Variants in DENND6A observed in about 807,000 individuals in gnomAD.
DENND6A encodes protein DENND6A.
In DENND6A, 43 loss-of-function variants were observed where a neutral mutation model predicts 95.5. That is an observed-to-expected ratio of 0.45 (90% CI 0.35 to 0.58). DENND6A has a LOEUF of 0.58. Among genes scored for constraint, DENND6A ranks in the 20% least tolerant of loss-of-function variants. DENND6A has a pLI of 0.00. For missense variants in DENND6A, 574 were observed against 736.0 expected, an observed-to-expected ratio of 0.78 and a Z score of 2.55; for synonymous variants, 257 against 260.4, an observed-to-expected ratio of 0.99 and a Z score of 0.13.
chr3:57,658,638 A>G (rs1401826238), intron 8 of DENND6A, among the ~76,000 whole-genome samples: 2 of 152,194 alleles, frequency 1.3e-5, no homozygotes, highest in Non-Finnish European at 2.9e-5. Context: ...TCCTACTGCT[A>G]TCTGTTTTTT....
At chr3:57,668,719 T>A (rs2071565925) in intron 3 of DENND6A, among the ~76,000 whole-genome samples, 1 of 152,202 alleles carries the variant, frequency 6.6e-6, no homozygotes. Context: ...CATTTTTTCA[T>A]CCAGTCTAAC....
In DENND6A at chr3:57,648,798, A is replaced by G. The variant is rs533287643; in HGVS notation, c.819-2360T>C. Among the ~76,000 whole-genome samples the G allele has an allele frequency of 2.6e-4, 39 of 152,356 alleles. 1 individual carries two copies. In the South Asian group the frequency reaches 8.1e-3, roughly 32 times the overall value. On this transcript the variant is annotated intron_variant, in intron 9 of 19. Transcript: ENST00000311128. ...ACCCTATTTAACAAATGGTGCTGAG[A>G]TAATTGGCAAGCCACATGTAGAAGA...
intron 9 of DENND6A, among the ~76,000 whole-genome samples, chr3:57,653,605 A>C (rs2071256331): frequency 6.6e-6 from 1 of 151,828 alleles, no homozygotes; most frequent in African/African-American, 2.4e-5. Flanking sequence ...AATTAGCCGG[A>C]TGTAGTGGCA....
chr3:57,630,413 T>C lies in DENND6A; in HGVS notation c.1620+8A>G, dbSNP rs2070641186. The C allele has an allele frequency of 1.9e-6, 3 of 1,576,270 alleles. No homozygotes were observed. The South Asian group carries it at 3.6e-5, about 19-fold the overall frequency. On this transcript the variant is annotated splice_region_variant and intron_variant, in intron 18 of 19. Coordinates refer to ENST00000311128, the MANE Select transcript of DENND6A (RefSeq NM_152678.3). ...GTTAATCATTACACAAACACACAGT[T>C]TTCGAACCTCTTCACAAAGAGCTTC...
At chr3:57,658,254 A>C (rs1175846415) in intron 8 of DENND6A, among the ~76,000 whole-genome samples, 1 of 151,608 alleles carries the variant, frequency 6.6e-6, no homozygotes, top group Non-Finnish European at 1.5e-5. Context: ...AAAAAGAATT[A>C]ATCCCAAGCT....
intron 1 of DENND6A, among the ~76,000 whole-genome samples, chr3:57,685,349 T>G (rs907124698): frequency 6.6e-6 from 1 of 152,210 alleles, no homozygotes; most frequent in African/African-American, 2.4e-5. Context: ...TATTCAATTT[T>G]TATGAAAAGT....
At position 57,626,243 on chromosome 3, in the gene DENND6A, G is replaced by C. The variant is rs756709435; in HGVS notation, c.*1971C>G. 8.5e-5 allele frequency: 13 copies of C among 152,584 alleles called. No individual in the cohort carries two copies. The highest frequency in any genetic ancestry group is 3.1e-4 in the African/African-American group (13 of 41,438). The allele number at this position is 152,584 out of a possible 1,614,324, so 9.5% of individuals were successfully genotyped here. A position where few individuals can be genotyped will look rare whatever the true frequency, so the allele number is the denominator to read the frequency against. On this transcript the variant is annotated 3_prime_UTR_variant, in exon 20 of 20. Transcript: ENST00000311128. ...TGGGTATTAGACCACAGTTACAAAC[G>C]CAAGGAGTCTTTCTTGGGTCAGGAA...
chr3:57,678,425 TTAAGA>T (rs747653446), intron 1 of DENND6A, among the ~76,000 whole-genome samples: 34 of 152,174 alleles, frequency 2.2e-4, no homozygotes, highest in African/African-American at 7.5e-4. Context: ...CAAAAATAGT[TTAAGA>T]TAAGATTTTT....
At chr3:57,684,125 C>A (rs1411112452) in intron 1 of DENND6A, among the ~76,000 whole-genome samples, 2 of 123,212 alleles carry the variant, frequency 1.6e-5, no homozygotes, top group African/African-American at 6.3e-5. Context: ...GCACTCCAGC[C>A]TGGGTGACAG....
intron 1 of DENND6A, among the ~76,000 whole-genome samples, chr3:57,689,613 G>C (rs1013735833): frequency 6.6e-6 from 1 of 152,164 alleles, no homozygotes; most frequent in Non-Finnish European, 1.5e-5. Flanking sequence ...TATGCAAGGT[G>C]AACCACTCCC....
In DENND6A at chr3:57,692,863, C is replaced by T; in HGVS notation, c.156G>A (p.Leu52=). 1 of 1,585,088 alleles carries T rather than the reference C, an allele frequency of 6.3e-7. No homozygotes were observed. Among genetic ancestry groups the T allele is most frequent in the South Asian group, 1.1e-5 (1 of 87,140 alleles). ...AGGCGGAGAAGCTGTCCCAGCGCAG[C>T]AGGCCCCGGCCACGGCCATCGTCCT... ...DEEDDGRGRG[L]LRWDSFSAWL... is the part of the protein sequence containing the mutation. Residue 52 remains leucine, a synonymous_variant, in exon 1 of 20, where the codon CTG becomes CTA. Coordinates refer to ENST00000311128, the MANE Select transcript of DENND6A (RefSeq NM_152678.3).
intron 9 of DENND6A, among the ~76,000 whole-genome samples, chr3:57,650,868 T>C (rs2071195121): frequency 6.7e-6 from 1 of 148,956 alleles, no homozygotes; most frequent in East Asian, 2.0e-4. Context: ...CACCACAACC[T>C]CCGCCTCCCA....
In DENND6A at chr3:57,688,926, T is replaced by C. The variant is rs1280873911; in HGVS notation, c.237+3856A>G. Among the ~76,000 whole-genome samples the C allele has an allele frequency of 3.9e-5, 6 of 152,286 alleles. No individual in the cohort carries two copies. In the East Asian group the frequency reaches 5.8e-4, roughly 15 times the overall value. ...GCCGAATATTAATAGCAGTTGCCTCTTAGTAGAATTAAGAGTGATATTTTC... is the reference window on the plus strand; with the variant it reads ...GCCGAATATTAATAGCAGTTGCCTCCTAGTAGAATTAAGAGTGATATTTTC... On this transcript the variant is annotated intron_variant, in intron 1 of 19. Coordinates refer to ENST00000311128, the MANE Select transcript of DENND6A (RefSeq NM_152678.3).
At chr3:57,680,167 T>C (rs1390343998) in intron 1 of DENND6A, among the ~76,000 whole-genome samples, 1 of 152,216 alleles carries the variant, frequency 6.6e-6, no homozygotes, top group Non-Finnish European at 1.5e-5. Flanking sequence ...AAGGCCTAAA[T>C]GTAAGAGCTA....
intron 12 of DENND6A, among the ~76,000 whole-genome samples, chr3:57,639,505 G>T (rs1048397017): frequency 2.0e-5 from 3 of 152,044 alleles, no homozygotes; most frequent in Non-Finnish European, 4.4e-5. Context: ...AAATTAGTAG[G>T]CCCAAACCAT....
intron 3 of DENND6A, 145 bp downstream of exon 3, chr3:57,672,111 T>C: frequency 2.6e-6 from 2 of 756,492 alleles, no homozygotes; most frequent in South Asian, 2.1e-5. Context: ...AACGATGACA[T>C]GACTAGGCAT....
intron 9 of DENND6A, among the ~76,000 whole-genome samples, chr3:57,655,737 A>T (rs1391375988): frequency 6.6e-6 from 1 of 152,218 alleles, no homozygotes; most frequent in South Asian, 2.1e-4. Context: ...TATATGCAAA[A>T]ATCCCCAAAT....
chr3:57,660,303 C>T (rs1429213314), intron 7 of DENND6A, among the ~76,000 whole-genome samples: 1 of 151,600 alleles, frequency 6.6e-6, no homozygotes, highest in East Asian at 2.0e-4. Context: ...CAAGCAATAT[C>T]CCAAGTACCT....
At position 57,630,536 on chromosome 3, in the gene DENND6A, A is replaced by AT. The variant is rs773070856; in HGVS notation, c.1518-14dup. On this transcript the variant is annotated splice_polypyrimidine_tract_variant and intron_variant, in intron 17 of 19. Transcript: ENST00000311128. ...CTTTAGGAAATGCCTATAAAAATACATTTTAAAAAAGTAAAGTTTGATTAT... is the reference window on the plus strand; with the variant it reads ...CTTTAGGAAATGCCTATAAAAATACATTTTTAAAAAAGTAAAGTTTGATTAT... The AT allele has an allele frequency of 2.5e-6, 4 of 1,582,894 alleles. No individual in the cohort carries two copies. Among genetic ancestry groups the AT allele is most frequent in the Non-Finnish European group, 3.4e-6 (4 of 1,171,762 alleles).
Sources: gnomAD v4.1 joint callset for allele counts (sites outside exome capture counted in the v4.1 genomes callset) on GRCh38, gnomAD v4.1.1 for gene constraint, MANE v1.5 for transcripts, NCBI Gene and HGNC (gene_info 2026-07-23, HGNC 2026-07-21) for gene names.